The following LINGO2 variants were observed in gnomAD, a reference collection of about 807,000 sequenced individuals.
LINGO2 encodes leucine rich repeat and Ig domain containing 2, also known as leucine-rich repeat and immunoglobulin-like domain-containing nogo receptor-interacting protein 2.
A neutral mutation model predicts 30.6 loss-of-function variants in LINGO2; 14 were observed. The ratio of observed to expected loss-of-function variants is 0.46; its 90% CI spans 0.30 to 0.72. The LOEUF (loss-of-function observed/expected upper bound fraction) is 0.72, where lower values mean the gene tolerates loss of function less well. Among genes scored for constraint, LINGO2 ranks in the 30% least tolerant of loss-of-function variants. The pLI is 0.07. For missense variants in LINGO2, 729 were observed against 751.7 expected (o/e 0.97, Z 0.35); for synonymous variants, 317 against 288.5 (o/e 1.10, Z -1.00).
At chr9:29,155,484 G>C in the LINGO2 span, among the ~76,000 whole-genome samples, 1 of 151,074 alleles carries the variant, frequency 6.6e-6, no homozygotes, top group Non-Finnish European at 1.5e-5. Context: ...CCAGGGATCA[G>C]AGTTTAGCAG....
chr9:28,614,171 A>G (rs1184149704), intron 1 of LINGO2, among the ~76,000 whole-genome samples: 1 of 152,154 alleles, frequency 6.6e-6, no homozygotes, highest in Non-Finnish European at 1.5e-5. Context: ...TAGTTACTAT[A>G]TTCTTTAAAA....
chr9:28,856,366 T>A, the LINGO2 span, among the ~76,000 whole-genome samples: 3 of 152,090 alleles, frequency 2.0e-5, no homozygotes, highest in South Asian at 6.2e-4. Context: ...CTCATGAAGC[T>A]TACAGTGTAG....
chr9:28,513,679 G>T (rs1820505023), intron 1 of LINGO2, among the ~76,000 whole-genome samples: 2 of 152,086 alleles, frequency 1.3e-5, no homozygotes, highest in African/African-American at 2.4e-5. Context: ...TTCAGATATT[G>T]TTCTATAAAA....
chr9:28,637,209 G>A (rs1588002021), intron 1 of LINGO2, among the ~76,000 whole-genome samples: 1 of 152,228 alleles, frequency 6.6e-6, no homozygotes, highest in African/African-American at 2.4e-5. Context: ...GTACCATCCT[G>A]TTTTGGTTAC....
At chr9:28,956,516 G>A in the LINGO2 span, among the ~76,000 whole-genome samples, 2 of 151,966 alleles carry the variant, frequency 1.3e-5, no homozygotes, top group African/African-American at 4.8e-5. Context: ...TATAATGCTT[G>A]TGCACTAGAA....
At chr9:28,428,393 T>TCA (rs1442370347) in intron 2 of LINGO2, among the ~76,000 whole-genome samples, 3 of 152,280 alleles carry the variant, frequency 2.0e-5, no homozygotes, top group African/African-American at 7.2e-5. Context: ...CGAAGCAGAA[T>TCA]CACTGCTTCT....
chr9:28,863,799 C>T, the LINGO2 span: 1 of 338,728 alleles, frequency 3.0e-6, no homozygotes, highest in African/African-American at 2.1e-5. Flanking sequence ...AGTTCACAAT[C>T]AATTGAAGAA....
intron 1 of LINGO2, among the ~76,000 whole-genome samples, chr9:28,657,368 A>G (rs987687931): frequency 1.3e-5 from 2 of 152,058 alleles, no homozygotes; most frequent in African/African-American, 4.8e-5. Context: ...CAGTGCAGTC[A>G]TCTACTCCGG....
the LINGO2 span, among the ~76,000 whole-genome samples, chr9:28,849,381 C>T: frequency 2.0e-5 from 3 of 151,978 alleles, no homozygotes; most frequent in African/African-American, 7.2e-5. Context: ...AGAATAATAT[C>T]ATCTGTTTCA....
At chr9:28,454,510 C>T (rs986554855) in intron 2 of LINGO2, among the ~76,000 whole-genome samples, 6 of 151,818 alleles carry the variant, frequency 4.0e-5, no homozygotes, top group Admixed American at 6.6e-5. Flanking sequence ...ATGAGGAAGT[C>T]TATACAAGAA....
chr9:28,092,212 T>A (rs535806342), intron 4 of LINGO2, among the ~76,000 whole-genome samples: 2 of 152,102 alleles, frequency 1.3e-5, no homozygotes, highest in South Asian at 4.1e-4. Flanking sequence ...ACCCAAAGGA[T>A]TATAATTCAT....
At chr9:28,667,279 T>C (rs1361990716) in intron 1 of LINGO2, among the ~76,000 whole-genome samples, 2 of 152,296 alleles carry the variant, frequency 1.3e-5, no homozygotes, top group African/African-American at 4.8e-5. Flanking sequence ...ACCTTTCTCA[T>C]ATTGGGTCAC....
chr9:29,212,449 C>T, the LINGO2 span, among the ~76,000 whole-genome samples: 1 of 151,938 alleles, frequency 6.6e-6, no homozygotes, highest in South Asian at 2.1e-4. Flanking sequence ...GCGTGGGCTT[C>T]GCGCGCCCCC....
intron 2 of LINGO2, among the ~76,000 whole-genome samples, chr9:28,422,046 C>T (rs1823218437): frequency 6.6e-6 from 1 of 151,872 alleles, no homozygotes; most frequent in South Asian, 2.1e-4. Context: ...AGAGCTGAAA[C>T]TATAAAACTC....
At chr9:28,618,278 C>T (rs1453914164) in intron 1 of LINGO2, among the ~76,000 whole-genome samples, 1 of 152,146 alleles carries the variant, frequency 6.6e-6, no homozygotes, top group Non-Finnish European at 1.5e-5. Context: ...TCAGTGATCA[C>T]GCCAAAAATC....
intron 1 of LINGO2, among the ~76,000 whole-genome samples, chr9:28,636,776 G>T (rs542291292): frequency 6.6e-6 from 1 of 152,132 alleles, no homozygotes; most frequent in African/African-American, 2.4e-5. Flanking sequence ...TAGGTTGCCT[G>T]TTCACTCTGA....
the LINGO2 span, among the ~76,000 whole-genome samples, chr9:29,086,097 G>T: frequency 6.6e-6 from 1 of 152,078 alleles, no homozygotes; most frequent in Non-Finnish European, 1.5e-5. Flanking sequence ...AGACCATAGG[G>T]AGAGCAGGAA....
chr9:29,003,876 T>C, the LINGO2 span, among the ~76,000 whole-genome samples: 1 of 152,036 alleles, frequency 6.6e-6, no homozygotes, highest in African/African-American at 2.4e-5. Context: ...TATTTGACAG[T>C]GTTTGTTATT....
At chr9:29,178,225 T>G in the LINGO2 span, among the ~76,000 whole-genome samples, 2 of 151,886 alleles carry the variant, frequency 1.3e-5, no homozygotes, top group Non-Finnish European at 2.9e-5. Flanking sequence ...CCAGCTATTT[T>G]TTGCATTTTT....
Sources: gnomAD v4.1 joint callset for allele counts (sites outside exome capture counted in the v4.1 genomes callset) on GRCh38, gnomAD v4.1.1 for gene constraint, MANE v1.5 for transcripts, NCBI Gene and HGNC (gene_info 2026-07-23, HGNC 2026-07-21) for gene names.